Variants in INPP4A observed in about 807,000 individuals in gnomAD.
INPP4A encodes the protein inositol polyphosphate-4-phosphatase type I A.
INPP4A carries 33 observed loss-of-function variants against 119.8 expected under a neutral mutation model. That is an observed-to-expected ratio of 0.28 (90% CI 0.21 to 0.37). The LOEUF (loss-of-function observed/expected upper bound fraction) is 0.37. Among genes scored for constraint, INPP4A ranks in the 10% least tolerant of loss-of-function variants. The pLI, the probability that INPP4A is intolerant of heterozygous loss-of-function variation, is 1.00. For missense variants in INPP4A, 956 were observed against 1,289.9 expected (o/e 0.74, Z 3.97); for synonymous variants, 496 against 500.7 (o/e 0.99, Z 0.12).
At chr2:98,503,455 T>C (rs1359558602) in intron 1 of INPP4A, among the ~76,000 whole-genome samples, 1 of 152,250 alleles carries the variant, frequency 6.6e-6, no homozygotes, top group Non-Finnish European at 1.5e-5. Flanking sequence ...CCTGTGCCTG[T>C]TCCTTTTGAA....
chr2:98,447,992 A>G (rs1694500402), intron 1 of INPP4A, among the ~76,000 whole-genome samples: 1 of 147,050 alleles, frequency 6.8e-6, no homozygotes, highest in African/African-American at 2.5e-5. Context: ...TCTTGCAGTG[A>G]GCAGAGATCG....
chr2:98,522,944 A>G (rs1029824110), intron 4 of INPP4A, among the ~76,000 whole-genome samples: 2 of 152,230 alleles, frequency 1.3e-5, no homozygotes, highest in African/African-American at 4.8e-5. Flanking sequence ...AACTTGTTTC[A>G]GCTGCACAGA....
chr2:98,545,911 A>G lies in INPP4A; in HGVS notation c.950-58A>G, dbSNP rs535990532. 2.5e-5 allele frequency: 31 copies of G among 1,235,534 alleles called. No homozygotes were observed. The East Asian group carries it at 4.5e-4, about 18-fold the overall frequency. 76.5% of individuals were successfully genotyped at this position (1,235,534 alleles called of 1,614,324 possible). A position where few individuals can be genotyped will look rare whatever the true frequency, so the allele number is the denominator to read the frequency against. On this transcript the variant is annotated intron_variant, in intron 11 of 24. Transcript: ENST00000409851. Reference sequence around the variant, plus strand: ...CTCTGAATTCCATTTTCTACTTGCAACTCGTGAATGCAGCATGTATGCTGA... The same window carrying G: ...CTCTGAATTCCATTTTCTACTTGCAGCTCGTGAATGCAGCATGTATGCTGA...
intron 23 of INPP4A, among the ~76,000 whole-genome samples, chr2:98,575,454 T>C (rs1698257579): frequency 6.6e-6 from 1 of 152,272 alleles, no homozygotes; most frequent in African/African-American, 2.4e-5. Context: ...CACTCTTGCT[T>C]TGTCAGTTAC....
chr2:98,522,325 G>T (rs1687377400), intron 4 of INPP4A, among the ~76,000 whole-genome samples: 1 of 150,284 alleles, frequency 6.7e-6, no homozygotes, highest in East Asian at 2.0e-4. Flanking sequence ...ATTATAATTT[G>T]TATACTCAAG....
chr2:98,455,340 C>CA, intron 1 of INPP4A, among the ~76,000 whole-genome samples: 1 of 148,588 alleles, frequency 6.7e-6, no homozygotes. Context: ...CCTGTCTCTA[C>CA]AAAAAAAGAA....
intron 1 of INPP4A, among the ~76,000 whole-genome samples, chr2:98,458,694 A>G (rs940863691): frequency 2.0e-5 from 3 of 152,272 alleles, no homozygotes; most frequent in Non-Finnish European, 1.5e-5. Context: ...CTCTGGCCCA[A>G]TGAATGGGAT....
chr2:98,564,762 C>T lies in INPP4A; in HGVS notation c.2151C>T (p.Tyr717=), dbSNP rs374744040. The change falls in exon 19 of 25, where the codon TAC becomes TAT. Residue 717 remains tyrosine, a splice_region_variant and synonymous_variant. Coordinates refer to ENST00000409851, the MANE Select transcript of INPP4A (RefSeq NM_001134225.2). The stretch of plus-strand genomic sequence containing the variant: ...AGTTCGAGAGCCTGCTGAGCACCTA[C>T]GGTGAGGCGCCCGGGCCAGGATCGG... ...LAQFESLLST[Y]GEELAMLEDM... 1.6e-5 allele frequency: 26 copies of T among 1,583,648 alleles called. No individual in the cohort carries two copies. Among genetic ancestry groups the T allele is most frequent in the Non-Finnish European group, 2.0e-5 (23 of 1,164,240 alleles).
chr2:98,560,852 T>C (rs1388286112), intron 17 of INPP4A, among the ~76,000 whole-genome samples: 6 of 152,188 alleles, frequency 3.9e-5, no homozygotes, highest in Non-Finnish European at 8.8e-5. Context: ...TCTGGGCTCC[T>C]GAGGGTTGCA....
chr2:98,486,758 C>T (rs547943592), intron 1 of INPP4A, among the ~76,000 whole-genome samples: 2 of 152,290 alleles, frequency 1.3e-5, no homozygotes, highest in African/African-American at 2.4e-5. Context: ...TCTGATGGTA[C>T]TCCTCTCATG....
At chr2:98,473,756 G>T (rs936608542) in intron 1 of INPP4A, among the ~76,000 whole-genome samples, 4 of 152,130 alleles carry the variant, frequency 2.6e-5, no homozygotes, top group African/African-American at 9.7e-5. Flanking sequence ...CAGGCCTTTA[G>T]TATCTTGATT....
chr2:98,451,511 C>T (rs528548944), intron 1 of INPP4A, among the ~76,000 whole-genome samples: 2 of 152,140 alleles, frequency 1.3e-5, no homozygotes, highest in Admixed American at 6.5e-5. Context: ...AGCGCTTTCC[C>T]TGAGACACCT....
chr2:98,591,504 C>T lies in INPP4A; in HGVS notation c.*3896C>T, dbSNP rs1700400998. On this transcript the variant is annotated 3_prime_UTR_variant, in exon 25 of 25. Transcript: ENST00000409851. ...TCCCTCAAGGTCAGGCCTAATTTTGCTTCTCTTTAAAGTTAAGCCAAGAAG... is the reference window on the plus strand; with the variant it reads ...TCCCTCAAGGTCAGGCCTAATTTTGTTTCTCTTTAAAGTTAAGCCAAGAAG... 1 of 152,162 alleles carries T rather than the reference C, an allele frequency of 6.6e-6. No individual in the cohort carries two copies. The highest frequency in any genetic ancestry group is 2.4e-5 in the African/African-American group (1 of 41,424). 9.4% of individuals were successfully genotyped at this position (152,162 alleles called of 1,614,324 possible).
chr2:98,448,046 CAAAAAAAAAAAA>C (rs35998148), intron 1 of INPP4A, among the ~76,000 whole-genome samples: 93 of 64,200 alleles, frequency 1.4e-3, no homozygotes, highest in Non-Finnish European at 2.8e-3. Context: ...GACTCTGTCT[CAAAAAAAAAAAA>C]AAAAAAAAAA....
intron 23 of INPP4A, among the ~76,000 whole-genome samples, chr2:98,576,143 C>T (rs571491012): frequency 6.6e-6 from 1 of 152,306 alleles, no homozygotes; most frequent in Non-Finnish European, 1.5e-5. Context: ...TATATCAGCT[C>T]AGGTCTGGTT....
At position 98,554,770 on chromosome 2, in the gene INPP4A, T is replaced by G. The variant is rs1171040501; in HGVS notation, c.1566+281T>G. On this transcript the variant is annotated intron_variant, in intron 15 of 24. Transcript: ENST00000409851. This position sits in a 1 kb window ranked among gnomAD's most constrained non-coding sequence, Gnocchi z 4.7. Reference sequence around the variant, plus strand: ...GTGGGTTTTCCTCCCGTGTTGGAGGTCTCTCCTTCCCCTGCCTCCTGTGCC... The same window carrying G: ...GTGGGTTTTCCTCCCGTGTTGGAGGGCTCTCCTTCCCCTGCCTCCTGTGCC... Among the ~76,000 whole-genome samples, 2 of 152,010 alleles carry G rather than the reference T, an allele frequency of 1.3e-5. No homozygotes were observed. Among genetic ancestry groups the G allele is most frequent in the East Asian group, 1.9e-4 (1 of 5,172 alleles).
chr2:98,576,888 C>A, intron 23 of INPP4A, 101 bp from the exon 24 acceptor site: 1 of 1,416,688 alleles, frequency 7.1e-7, no homozygotes, highest in Non-Finnish European at 9.6e-7. Flanking sequence ...AGTTTCTGTT[C>A]CTGCCCTTGC....
chr2:98,480,353 G>A (rs1678157194), intron 1 of INPP4A, among the ~76,000 whole-genome samples: 1 of 152,198 alleles, frequency 6.6e-6, no homozygotes, highest in African/African-American at 2.4e-5. Flanking sequence ...TACCTGATGA[G>A]GTAATTATTA....
chr2:98,465,872 G>A (rs545416727), intron 1 of INPP4A, among the ~76,000 whole-genome samples: 1 of 152,212 alleles, frequency 6.6e-6, no homozygotes, highest in South Asian at 2.1e-4. Flanking sequence ...TTGAGCAGAC[G>A]GTGGCTTGGG....
Sources: allele counts gnomAD v4.1 joint callset (sites outside exome capture counted in the v4.1 genomes callset), GRCh38; gene constraint gnomAD v4.1.1; non-coding constraint Gnocchi (gnomAD v3.1); transcripts MANE v1.5; gene names NCBI Gene and HGNC (gene_info 2026-07-23, HGNC 2026-07-21).